Variants in MTBP observed in about 807,000 individuals in gnomAD.
MTBP encodes MDM2 binding protein.
In MTBP, 101 loss-of-function variants were observed where a neutral mutation model predicts 117.0. That is an observed-to-expected ratio of 0.86 (90% CI 0.73 to 1.02). The LOEUF is 1.02. Ranked by LOEUF, MTBP falls within the 50% of genes least tolerant of loss-of-function variation. MTBP has a pLI of 0.00. For missense variants in MTBP, 970 were observed against 1,030.9 expected, an observed-to-expected ratio of 0.94 and a Z score of 0.81; for synonymous variants, 350 against 351.5, an observed-to-expected ratio of 1.00 and a Z score of 0.05.
At chr8:120,502,634 C>A in intron 15 of MTBP, 25 bp downstream of exon 15, 1 of 1,303,740 alleles carries the variant, frequency 7.7e-7, no homozygotes, top group Non-Finnish European at 1.1e-6. Flanking sequence ...TGTAGTAAAG[C>A]ATGTGATAGC....
intron 4 of MTBP, chr8:120,452,001 A>G (rs527552520): frequency 6.6e-6 from 1 of 152,264 alleles, no homozygotes; most frequent in South Asian, 2.1e-4. Flanking sequence ...TCTTTAATTT[A>G]TGTGTATTTG....
intron 15 of MTBP, among the ~76,000 whole-genome samples, chr8:120,504,290 T>C (rs1046168968): frequency 1.3e-5 from 2 of 152,164 alleles, no homozygotes; most frequent in African/African-American, 2.4e-5. Flanking sequence ...AACTTCCCAC[T>C]GGGAAAGATG....
At position 120,516,055 on chromosome 8, in the gene MTBP, C is replaced by T. The variant is rs763079011; in HGVS notation, c.2110C>T (p.Pro704Ser). Residue 704 changes from proline (P) to serine (S), a missense_variant, in exon 18 of 22, where the codon CCT becomes TCT. Pro to Ser is a moderately conservative substitution (Grantham distance 74). Transcript: ENST00000305949. ...ESFPVPTVLS[P>S]LPSPVVSSDP... is the part of the protein sequence containing the mutation. Reference sequence around the variant, plus strand: ...TTTTCCAGTACCTACTGTGTTGAGCCCTCTTCCATCTCCTGTAGTTTCGTC... The same window carrying T: ...TTTTCCAGTACCTACTGTGTTGAGCTCTCTTCCATCTCCTGTAGTTTCGTC... 1.2e-6 allele frequency: 2 copies of T among 1,613,046 alleles called. No individual in the cohort carries two copies. The highest frequency in any genetic ancestry group is 1.7e-6 in the Non-Finnish European group (2 of 1,179,232).
intron 14 of MTBP, among the ~76,000 whole-genome samples, chr8:120,501,140 G>A (rs1344592172): frequency 6.6e-5 from 9 of 136,396 alleles, no homozygotes; most frequent in Non-Finnish European, 9.1e-5. Context: ...GCAGTGAGCC[G>A]AGATTGCGCC....
intron 8 of MTBP, among the ~76,000 whole-genome samples, chr8:120,460,381 C>G (rs906200713): frequency 1.3e-5 from 2 of 152,132 alleles, no homozygotes; most frequent in African/African-American, 4.8e-5. Flanking sequence ...GACACACACA[C>G]TGTATAAACA....
In MTBP at chr8:120,497,498, T is replaced by C; in HGVS notation, c.1553T>C (p.Ile518Thr). The change falls in exon 14 of 22, where the codon ATT becomes ACT. Residue 518 changes from isoleucine (I) to threonine (T), a missense_variant. By Grantham distance (89) the Ile-to-Thr change is moderately conservative (BLOSUM62 -1). Coordinates refer to ENST00000305949, the MANE Select transcript of MTBP (RefSeq NM_022045.5). ...TTTTTAGATTATTTTGATGCTGTGATTCCTAAAATGATTCTAAGAAAGATG... is the reference window on the plus strand; with the variant it reads ...TTTTTAGATTATTTTGATGCTGTGACTCCTAAAATGATTCTAAGAAAGATG... Reference protein sequence around the residue: ...KHFLDYFDAVIPKMILRKMDK... With the variant: ...KHFLDYFDAVTPKMILRKMDK... 1 of 1,584,422 alleles carries C rather than the reference T, an allele frequency of 6.3e-7. No homozygotes were observed. Among genetic ancestry groups the C allele is most frequent in the Non-Finnish European group, 8.6e-7 (1 of 1,156,422 alleles).
At chr8:120,459,760 A>C (rs879158971) in intron 8 of MTBP, among the ~76,000 whole-genome samples, 10 of 152,188 alleles carry the variant, frequency 6.6e-5, no homozygotes, top group Admixed American at 1.3e-4. Flanking sequence ...TCATTTGTGA[A>C]GTGGAGGCAA....
chr8:120,482,607 TAGTC>T (rs1814109323), intron 11 of MTBP, among the ~76,000 whole-genome samples: 2 of 152,216 alleles, frequency 1.3e-5, no homozygotes, highest in South Asian at 2.1e-4. Flanking sequence ...TTGTTTAAAA[TAGTC>T]ATGGTGGAAT....
At chr8:120,473,752 TAAAAC>T (rs1813873105) in intron 11 of MTBP, 2 of 152,126 alleles carry the variant, frequency 1.3e-5, no homozygotes, top group Non-Finnish European at 2.9e-5. Context: ...TGGCACTTGC[TAAAAC>T]AAAATCAGAA....
Position 120,461,201 on chromosome 8 carries a change from T to C in MTBP, c.923T>C (p.Met308Thr), listed in dbSNP as rs1288303580. 6.2e-7 allele frequency: 1 copy of C among 1,606,564 alleles called. No individual in the cohort carries two copies. Among genetic ancestry groups the C allele is most frequent in the Non-Finnish European group, 8.5e-7 (1 of 1,173,912 alleles). ...YYGPALEFVQMIKLSDLPSCY... is the reference protein window; with the variant it reads ...YYGPALEFVQTIKLSDLPSCY... ...GGCCCTGCTTTAGAATTTGTGCAGA[T>C]GATAAAATTATCAGATCTACCCTCC... Residue 308 changes from methionine to threonine, a missense_variant, in exon 9 of 22, where the codon ATG (methionine) becomes ACG (threonine). Met to Thr is a moderately conservative substitution (Grantham distance 81). Transcript: ENST00000305949.
At chr8:120,466,287 C>A (rs1197772429) in intron 10 of MTBP, among the ~76,000 whole-genome samples, 2 of 148,514 alleles carry the variant, frequency 1.3e-5, no homozygotes, top group Non-Finnish European at 3.0e-5. Flanking sequence ...TCTTGGCTCA[C>A]TGCAACCTCC....
chr8:120,463,669 A>T, intron 9 of MTBP, 23 bp from the exon 10 acceptor site: 5 of 1,562,780 alleles, frequency 3.2e-6, no homozygotes, highest in Non-Finnish European at 4.4e-6. Context: ...CCATTACATC[A>T]TTTCTTTAAC....
At chr8:120,506,622 AC>A (rs2130607733) in intron 15 of MTBP, 83 bp from the exon 16 acceptor site, 2 of 1,001,034 alleles carry the variant, frequency 2.0e-6, no homozygotes, top group East Asian at 5.6e-5. Context: ...TCTTTTCCCG[AC>A]TGTGCTTTTT....
chr8:120,465,046 A>C (rs1813659137), intron 10 of MTBP, among the ~76,000 whole-genome samples: 1 of 152,128 alleles, frequency 6.6e-6, no homozygotes, highest in African/African-American at 2.4e-5. Flanking sequence ...AAGGCCATAC[A>C]TTTCTCCAAA....
chr8:120,476,483 A>T (rs945120719), intron 11 of MTBP, among the ~76,000 whole-genome samples: 1 of 152,142 alleles, frequency 6.6e-6, no homozygotes, highest in Non-Finnish European at 1.5e-5. Flanking sequence ...TTTGCAGGCA[A>T]CATGATTGTA....
intron 4 of MTBP, 140 bp downstream of exon 4, chr8:120,451,462 G>C (rs1228620606): frequency 1.3e-5 from 8 of 632,652 alleles, no homozygotes; most frequent in African/African-American, 1.8e-5. Context: ...CTCTCAATTT[G>C]GGCCTTTTAT....
chr8:120,497,688 AGATAC>A, intron 14 of MTBP, 134 bp downstream of exon 14: 2 of 592,468 alleles, frequency 3.4e-6, no homozygotes, highest in Non-Finnish European at 5.8e-6. Flanking sequence ...ATACTTATAT[AGATAC>A]AAGTATGTAT....
intron 11 of MTBP, chr8:120,472,951 G>T (rs1813851479): frequency 6.6e-6 from 1 of 152,178 alleles, no homozygotes; most frequent in Non-Finnish European, 1.5e-5. Context: ...GAGAGCCAAG[G>T]ATAGGGTCTT....
chr8:120,508,354 G>A (rs571090716), intron 16 of MTBP, among the ~76,000 whole-genome samples: 2 of 152,152 alleles, frequency 1.3e-5, no homozygotes, highest in Middle Eastern at 3.4e-3. Flanking sequence ...ACAAAAATAG[G>A]TAAGGTTGCT....
Sources: allele counts gnomAD v4.1 joint callset (sites outside exome capture counted in the v4.1 genomes callset), GRCh38; gene constraint gnomAD v4.1.1; transcripts MANE v1.5; gene names NCBI Gene and HGNC (gene_info 2026-07-23, HGNC 2026-07-21).